The following TMEM25 variants were observed in gnomAD, a reference collection of about 807,000 sequenced individuals.
TMEM25 encodes transmembrane protein 25, also known as 0610039J01Rik.
Under a neutral mutation model 37.0 loss-of-function variants are expected in TMEM25, and 36 were observed. The observed-to-expected ratio is 0.97, with a 90% confidence interval of 0.75 to 1.28. The LOEUF is 1.28. Among genes scored for constraint, TMEM25 ranks in the 50% most tolerant of loss-of-function variants. The pLI, the probability that TMEM25 is intolerant of heterozygous loss-of-function variation, is 0.00. For missense variants in TMEM25, 444 were observed against 477.9 expected, an observed-to-expected ratio of 0.93 and a Z score of 0.66; for synonymous variants, 197 against 203.7, an observed-to-expected ratio of 0.97 and a Z score of 0.28.
At chr11:118,537,680 A>G (rs1487892759), downstream of TMEM25, among the ~76,000 whole-genome samples, 1 of 152,150 alleles carries the variant, frequency 6.6e-6, no homozygotes, top group Non-Finnish European at 1.5e-5. Context: ...TCTCTTTGAT[A>G]TTTTGATTTC....
At chr11:118,546,307 G>A in exon 9 of TMEM25, 1 of 609,584 alleles carries the variant, frequency 1.6e-6, no homozygotes, top group Non-Finnish European at 3.0e-6. Flanking sequence ...AGACCAGCCT[G>A]GGCAACATGG....
downstream of TMEM25, among the ~76,000 whole-genome samples, chr11:118,540,263 C>T (rs1273237103): frequency 1.3e-5 from 2 of 151,970 alleles, no homozygotes; most frequent in Non-Finnish European, 2.9e-5. Flanking sequence ...GTTGGCTTGG[C>T]TTCCATGGCT....
intron 8 of TMEM25, among the ~76,000 whole-genome samples, chr11:118,541,062 CACTT>C (rs782620317): frequency 1.4e-4 from 21 of 152,282 alleles, no homozygotes; most frequent in African/African-American, 2.2e-4. Flanking sequence ...ATACTAAAAA[CACTT>C]ACACGAGGAT....
downstream of TMEM25, among the ~76,000 whole-genome samples, chr11:118,540,020 C>CA (rs200560621): frequency 0.076 from 6,094 of 80,174 alleles, 342 homozygotes; most frequent in African/African-American, 0.17. Context: ...GACTCCGTCT[C>CA]AAAAAAAAAA....
intron 2 of TMEM25, 43 bp from the exon 3 acceptor site, chr11:118,532,107 A>G: frequency 6.7e-7 from 1 of 1,494,764 alleles, no homozygotes; most frequent in Non-Finnish European, 8.9e-7. Flanking sequence ...CACAGTACCA[A>G]CCGTGCCTGA....
At chr11:118,533,730 C>G in intron 5 of TMEM25, 127 bp from the exon 6 acceptor site, 1 of 1,571,934 alleles carries the variant, frequency 6.4e-7, no homozygotes, top group Non-Finnish European at 8.7e-7. Flanking sequence ...AACCCAGTCT[C>G]TGGCCCCAGG....
At position 118,543,810 on chromosome 11, in the gene TMEM25, T is replaced by C. The variant is rs868979307; in HGVS notation, c.1028-2309T>C. ...CCAATTCCCCATATTAAACACCCCC[T>C]TTTTTTTTTTTTTTGAGATGCAGTT... On this transcript the variant is annotated intron_variant, in intron 8 of 8. Coordinates refer to the TMEM25 transcript ENST00000354284. Among the ~76,000 whole-genome samples the C allele has an allele frequency of 1.1e-3, 134 of 123,288 alleles. No individual in the cohort carries two copies. The South Asian group carries it at 0.029, about 26-fold the overall frequency. The allele number at this position is 123,288 out of a possible 152,430, so 80.9% of individuals were successfully genotyped here.
downstream of TMEM25, among the ~76,000 whole-genome samples, chr11:118,538,889 C>CAA (rs781943725): frequency 9.2e-5 from 8 of 86,736 alleles, no homozygotes; most frequent in East Asian, 3.1e-4. Context: ...AAGGCCGTCT[C>CAA]AAAAAAAAAA....
intron 1 of TMEM25, 57 bp from the exon 2 acceptor site, chr11:118,531,718 G>T: frequency 2.4e-6 from 3 of 1,256,436 alleles, no homozygotes; most frequent in Non-Finnish European, 3.3e-6. Flanking sequence ...AATTCCTGGA[G>T]CAATTGCTAG....
exon 9 of TMEM25, chr11:118,546,210 A>G (rs1484607876): frequency 7.0e-6 from 5 of 716,918 alleles, no homozygotes; most frequent in Admixed American, 2.0e-5. Context: ...GAAGAAATCA[A>G]TCTTGGTGGG....
intron 8 of TMEM25, among the ~76,000 whole-genome samples, chr11:118,543,553 T>G (rs187597264): frequency 1.3e-5 from 2 of 152,146 alleles, no homozygotes; most frequent in Admixed American, 6.5e-5. Flanking sequence ...AGTGGCGCGA[T>G]CTTGGCTCGC....
At chr11:118,544,636 C>A (rs937956179) in intron 8 of TMEM25, 3 of 367,838 alleles carry the variant, frequency 8.2e-6, no homozygotes, top group African/African-American at 6.2e-5. Context: ...GCTTTCCTCC[C>A]AATCTAACCT....
chr11:118,535,571 G>T lies in TMEM25; in HGVS notation c.*991G>T, dbSNP rs1555062908. On this transcript the variant is annotated 3_prime_UTR_variant, in exon 9 of 9. Transcript: ENST00000313236. ...CCATGGTTGCCTCATCAGCAGGAAG[G>T]TGCCCTTCCTGGAGGATGGTCGCCA... 2 of 1,535,756 alleles carry T rather than the reference G, an allele frequency of 1.3e-6. No individual in the cohort carries two copies. The highest frequency in any genetic ancestry group is 2.4e-5 in the South Asian group (2 of 83,998).
intron 5 of TMEM25, 67 bp downstream of exon 5, chr11:118,533,618 C>G: frequency 1.2e-6 from 2 of 1,609,450 alleles, no homozygotes; most frequent in Non-Finnish European, 1.7e-6. Flanking sequence ...ACAGCAAGTG[C>G]AGCTGGGCAG....
At position 118,533,405 on chromosome 11, in the gene TMEM25, G is replaced by C; in HGVS notation, c.674-15G>C. 1 of 1,613,122 alleles carries C rather than the reference G, an allele frequency of 6.2e-7. No individual in the cohort carries two copies. The highest frequency in any genetic ancestry group is 8.5e-7 in the Non-Finnish European group (1 of 1,179,934). On this transcript the variant is annotated splice_polypyrimidine_tract_variant and intron_variant, in intron 4 of 8. Transcript: ENST00000313236. ...CACTACCCACTTGGGACCTGACACAGAGGACATCCTCCAGGGCTTCTGGCT... is the reference window on the plus strand; with the variant it reads ...CACTACCCACTTGGGACCTGACACACAGGACATCCTCCAGGGCTTCTGGCT...
intron 2 of TMEM25, 38 bp from the exon 3 acceptor site, chr11:118,532,112 G>C: frequency 6.7e-7 from 1 of 1,503,374 alleles, no homozygotes; most frequent in South Asian, 1.3e-5. Flanking sequence ...TACCAACCGT[G>C]CCTGAGCCCT....
chr11:118,533,498 G>A lies in TMEM25; in HGVS notation c.752G>A (p.Gly251Glu). The A allele has an allele frequency of 6.2e-7, 1 of 1,614,188 alleles. No individual in the cohort carries two copies. Among genetic ancestry groups the A allele is most frequent in the Non-Finnish European group, 8.5e-7 (1 of 1,180,020 alleles). The change falls in exon 5 of 9, where the codon GGG becomes GAG. Residue 251 changes from glycine (G) to glutamate (E), a missense_variant. Physicochemically the swap from Gly to Glu is moderately conservative, Grantham distance 98. Transcript: ENST00000313236. ...GGGCTTGCACTGGGCACCCTCGTGG[G>A]GTTCAGCACCTTGGTGGCCTGCCTG... The part of the protein sequence containing the change: ...AAGLALGTLV[G>E]FSTLVACLVC...
At position 118,532,322 on chromosome 11, in the gene TMEM25, C is replaced by T. The variant is rs371764377; in HGVS notation, c.243C>T (p.Ser81=). 6.1e-5 allele frequency: 99 copies of T among 1,613,614 alleles called. 2 individuals carry two copies. In the Admixed American group the frequency reaches 9.8e-4, roughly 16 times the overall value. The stretch of plus-strand genomic sequence containing the variant: ...AGGCCAGCACCTCAAGACTGCTGAG[C>T]GTGGGAGGGGAGGCCTTCTCTGGAG... ...LQEASTSRLL[S]VGGEAFSGGT... Residue 81 remains serine, a synonymous_variant, in exon 3 of 9, where the codon AGC becomes AGT. Coordinates refer to ENST00000313236, the MANE Select transcript of TMEM25 (RefSeq NM_032780.4).
At chr11:118,533,624 G>A (rs1321389337) in intron 5 of TMEM25, 73 bp downstream of exon 5, 5 of 1,608,834 alleles carry the variant, frequency 3.1e-6, no homozygotes, top group Non-Finnish European at 4.2e-6. Flanking sequence ...AGTGCAGCTG[G>A]GCAGAACCAG....
Sources: gnomAD v4.1 joint callset for allele counts (sites outside exome capture counted in the v4.1 genomes callset) on GRCh38, gnomAD v4.1.1 for gene constraint, MANE v1.5 for transcripts, NCBI Gene and HGNC (gene_info 2026-07-23, HGNC 2026-07-21) for gene names.